The following MVP variants were observed in gnomAD, a reference collection of about 807,000 sequenced individuals.
MVP encodes major vault protein.
Under a neutral mutation model 83.5 loss-of-function variants are expected in MVP, and 62 were observed. The observed-to-expected ratio is 0.74, with a 90% CI of 0.61 to 0.92. MVP has a LOEUF of 0.92. Among genes scored for constraint, MVP ranks in the 40% least tolerant of loss-of-function variants. The pLI, the probability that MVP is intolerant of heterozygous loss-of-function variation, is 0.00. For missense variants in MVP, 1,000 were observed against 1,203.4 expected (o/e 0.83, Z 2.50); for synonymous variants, 505 against 504.1 (o/e 1.00, Z -0.02).
intron 10 of MVP, among the ~76,000 whole-genome samples, chr16:29,844,109 C>T (rs1376876835): frequency 1.3e-5 from 2 of 152,188 alleles, no homozygotes; most frequent in Non-Finnish European, 2.9e-5. Flanking sequence ...AAGTCTTGGG[C>T]CAGCCACTTG....
rs111570459 is a variant in MVP, at chr16:29,846,595, C to T, written c.2265+311C>T. Among the ~76,000 whole-genome samples, 930 of 152,278 alleles carry T rather than the reference C, an allele frequency of 6.1e-3. 6 individuals are homozygous for T. The highest frequency in any genetic ancestry group is 0.019 in the African/African-American group (787 of 41,556). The stretch of plus-strand genomic sequence containing the variant: ...TTAAGAGGCCGGGTGCAGTGGCTCA[C>T]GCCTGTAATCCTAGCACTTTGGGAG... On this transcript the variant is annotated intron_variant, in intron 13 of 14. Coordinates refer to ENST00000357402, the MANE Select transcript of MVP (RefSeq NM_005115.5).
In MVP at chr16:29,841,842, T is replaced by TG; in HGVS notation, c.1436+3dup. The TG allele has an allele frequency of 6.2e-7, 1 of 1,606,222 alleles. No homozygotes were observed. The highest frequency in any genetic ancestry group is 8.5e-7 in the Non-Finnish European group (1 of 1,178,780). On this transcript the variant is annotated splice_region_variant and intron_variant, in intron 9 of 14. Transcript: ENST00000357402. This position sits in a 1 kb window ranked among gnomAD's most constrained non-coding sequence, Gnocchi z 4.7. ...CGACTACCGAGAGAAGCGAGCCCGGTGAGTGCTGGCAGCGCAGGGTGTAGG... is the reference window on the plus strand; with the variant it reads ...CGACTACCGAGAGAAGCGAGCCCGGTGGAGTGCTGGCAGCGCAGGGTGTAGG...
Position 29,830,884 on chromosome 16 carries a change from G to A in MVP, c.132G>A (p.Leu44=). ...TCTTCTCATCTTCCTGCAGGGTACT[G>A]TTTGCCCCCATGCGCATGGTGACCG... is the stretch of plus-strand genomic sequence containing the variant. ...TYIRQDNERV[L]FAPMRMVTVP... The change falls in exon 3 of 15, where the codon CTG becomes CTA. Residue 44 remains leucine, a synonymous_variant. Coordinates refer to ENST00000357402, the MANE Select transcript of MVP (RefSeq NM_005115.5). 3 of 1,611,836 alleles carry A rather than the reference G, an allele frequency of 1.9e-6. No homozygotes were observed. The highest frequency in any genetic ancestry group is 2.5e-6 in the Non-Finnish European group (3 of 1,178,274).
At chr16:29,831,528 A>T (rs2067442233) in intron 3 of MVP, 1 of 447,914 alleles carries the variant, frequency 2.2e-6, no homozygotes, top group Admixed American at 2.4e-5. Context: ...GCTCTCACCA[A>T]GGGTGGAATT....
At chr16:29,847,432 C>A in intron 14 of MVP, 47 bp downstream of exon 14, 1 of 1,495,756 alleles carries the variant, frequency 6.7e-7, no homozygotes, top group South Asian at 1.4e-5. Flanking sequence ...ACCTTGAAAC[C>A]AGGAAGGCAG....
intron 6 of MVP, among the ~76,000 whole-genome samples, chr16:29,836,256 A>C (rs1278721276): frequency 6.7e-6 from 1 of 148,946 alleles, no homozygotes; most frequent in Admixed American, 6.7e-5. Flanking sequence ...CAACAGAGCG[A>C]AACCCTGTCT....
At chr16:29,835,876 G>A in intron 6 of MVP, 78 bp downstream of exon 6, 3 of 1,170,210 alleles carry the variant, frequency 2.6e-6, no homozygotes, top group South Asian at 1.3e-5. Context: ...GTGGTAGAAT[G>A]GCATGAGAGT....
intron 1 of MVP, among the ~76,000 whole-genome samples, chr16:29,824,756 A>G (rs1567386880): frequency 6.6e-6 from 1 of 152,178 alleles, no homozygotes. Context: ...TCTCCAAAAA[A>G]AACAAAAAAG....
At chr16:29,834,118 G>T in intron 5 of MVP, 52 bp downstream of exon 5, 1 of 1,581,328 alleles carries the variant, frequency 6.3e-7, no homozygotes, top group Non-Finnish European at 8.6e-7. Context: ...GGTCCCCACT[G>T]CAGGGGAAGC....
At chr16:29,845,398 A>G (rs998102297) in intron 11 of MVP, among the ~76,000 whole-genome samples, 24 of 151,654 alleles carry the variant, frequency 1.6e-4, no homozygotes, top group Admixed American at 1.4e-3. Flanking sequence ...TGCTCCTTCA[A>G]TGCACAGCTT....
intron 7 of MVP, among the ~76,000 whole-genome samples, chr16:29,839,472 ATC>A (rs754294118): frequency 6.6e-6 from 1 of 152,084 alleles, no homozygotes; most frequent in Non-Finnish European, 1.5e-5. Flanking sequence ...TGTGGATTAT[ATC>A]TCAAAATTTT....
chr16:29,841,667 C>A lies in MVP; in HGVS notation c.1263C>A (p.Pro421=). Residue 421 remains proline, a synonymous_variant, in exon 9 of 15, where the codon CCC becomes CCA. Coordinates refer to ENST00000357402, the MANE Select transcript of MVP (RefSeq NM_005115.5). The surrounding 1 kb of genome is among the most constrained non-coding windows in gnomAD (Gnocchi z 4.7). ...DEVLWEKELP[P]GVEELLNKGQ... ...TCCTGTGGGAGAAAGAGCTGCCTCC[C>A]GGGGTGGAGGAGCTGCTGAACAAGG... 6.2e-7 allele frequency: 1 copy of A among 1,611,588 alleles called. No individual in the cohort carries two copies. Among genetic ancestry groups the A allele is most frequent in the Non-Finnish European group, 8.5e-7 (1 of 1,179,230 alleles).
In MVP at chr16:29,845,892, C is replaced by T. The variant is rs753464863; in HGVS notation, c.2051C>T (p.Ala684Val). 1 of 1,614,086 alleles carries T rather than the reference C, an allele frequency of 6.2e-7. No individual in the cohort carries two copies. The highest frequency in any genetic ancestry group is 1.1e-5 in the South Asian group (1 of 91,084). ...GAGGCTCAGAGACTGGAGCAGGAAG[C>T]CCGCGGCCGGCTTGAGCGGCAGAAG... ...KHEAQRLEQEARGRLERQKIL... is the reference protein window; with the variant it reads ...KHEAQRLEQEVRGRLERQKIL... Residue 684 changes from alanine (A) to valine (V), a missense_variant, in exon 12 of 15, where the codon GCC becomes GTC. Coordinates refer to ENST00000357402, the MANE Select transcript of MVP (RefSeq NM_005115.5).
chr16:29,846,596 G>A (rs1248050663), intron 13 of MVP, among the ~76,000 whole-genome samples: 1 of 152,158 alleles, frequency 6.6e-6, no homozygotes, highest in Admixed American at 6.5e-5. Context: ...AGTGGCTCAC[G>A]CCTGTAATCC....
chr16:29,830,776 G>A, intron 2 of MVP, 102 bp downstream of exon 2: 2 of 1,570,604 alleles, frequency 1.3e-6, no homozygotes, highest in South Asian at 2.4e-5. Context: ...AGCAGGAGTG[G>A]CCCTCGCTTG....
At position 29,823,122 on chromosome 16, in the gene MVP, C is replaced by CTTTTTTTTTTTTTTTT. The variant is rs66512916; in HGVS notation, c.-36+2617_-36+2632dup. ...TTTTTTTTTCCTTTTCTTTTCTTTT[C>CTTTTTTTTTTTTTTTT]TTTTTTTTTTTTTTTTTTTTGAGAT... is the stretch of plus-strand genomic sequence containing the variant. On this transcript the variant is annotated intron_variant, in intron 1 of 14. Coordinates refer to ENST00000357402, the MANE Select transcript of MVP (RefSeq NM_005115.5). Among the ~76,000 whole-genome samples, 127 of 98,490 alleles carry CTTTTTTTTTTTTTTTT rather than the reference C, an allele frequency of 1.3e-3. 1 individual carries two copies. Among genetic ancestry groups the CTTTTTTTTTTTTTTTT allele is most frequent in the Middle Eastern group, 0.015 (2 of 134 alleles). 64.6% of individuals were successfully genotyped at this position (98,490 alleles called of 152,430 possible).
At position 29,840,957 on chromosome 16, in the gene MVP, C is replaced by A. The variant is rs148992744; in HGVS notation, c.1191+498C>A. Among the ~76,000 whole-genome samples, 213 of 152,094 alleles carry A rather than the reference C, an allele frequency of 1.4e-3. 1 individual carries two copies. Among genetic ancestry groups the A allele is most frequent in the Admixed American group, 3.5e-3 (54 of 15,252 alleles). On this transcript the variant is annotated intron_variant, in intron 8 of 14. Coordinates refer to ENST00000357402, the MANE Select transcript of MVP (RefSeq NM_005115.5). ...CTGTCAAAAAAAAATATTAGCATGT[C>A]CACTGAGAGGACAAGTGGGGGTTTA...
At chr16:29,827,037 A>G (rs2067409564) in intron 1 of MVP, among the ~76,000 whole-genome samples, 1 of 152,078 alleles carries the variant, frequency 6.6e-6, no homozygotes, top group South Asian at 2.1e-4. Flanking sequence ...GGGTGGAATC[A>G]AAGGTGAGCA....
chr16:29,828,568 C>T (rs943008160), intron 1 of MVP, among the ~76,000 whole-genome samples: 28 of 152,062 alleles, frequency 1.8e-4, no homozygotes, highest in Non-Finnish European at 2.5e-4. Context: ...TTAGTAGAGA[C>T]GGGGTTTCGC....
Sources: gnomAD v4.1 joint callset for allele counts (sites outside exome capture counted in the v4.1 genomes callset) on GRCh38, gnomAD v4.1.1 for gene constraint, Gnocchi (gnomAD v3.1) non-coding constraint, MANE v1.5 for transcripts, NCBI Gene and HGNC (gene_info 2026-07-23, HGNC 2026-07-21) for gene names.